The following TMED3 variants were observed in gnomAD, a reference collection of about 807,000 sequenced individuals.
TMED3 encodes transmembrane emp24 domain-containing protein 3.
Under a neutral mutation model 15.0 loss-of-function variants are expected in TMED3, and 9 were observed. That is an observed-to-expected ratio of 0.60 (90% CI 0.36 to 1.04). The LOEUF (loss-of-function observed/expected upper bound fraction) is 1.04. Ranked by LOEUF, TMED3 falls within the 50% of genes least tolerant of loss-of-function variation. TMED3 has a pLI of 0.01. For synonymous variants in TMED3, 117 were observed against 121.4 expected (o/e 0.96, Z 0.24); for missense variants, 267 against 278.9 (o/e 0.96, Z 0.30).
chr15:79,403,189 C>A (rs1012720523), intron 2 of TMED3, among the ~76,000 whole-genome samples: 2 of 138,668 alleles, frequency 1.4e-5, no homozygotes, highest in African/African-American at 5.5e-5. Flanking sequence ...CATCACTGCG[C>A]TCCAGCCTGG....
At chr15:79,350,868 T>A (rs1438758653) in intron 2 of TMED3, among the ~76,000 whole-genome samples, 1 of 152,198 alleles carries the variant, frequency 6.6e-6, no homozygotes, top group African/African-American at 2.4e-5. Flanking sequence ...GGTTTTGCTG[T>A]ACATCAGCTC....
In TMED3 at chr15:79,322,133, C is replaced by T. The variant is rs751862875; in HGVS notation, c.573C>T (p.Phe191=). The T allele has an allele frequency of 9.9e-6, 16 of 1,614,010 alleles. No homozygotes were observed. The highest frequency in any genetic ancestry group is 6.7e-5 in the African/African-American group (5 of 74,924). The stretch of plus-strand genomic sequence containing the variant: ...CTGTTGGCGAGACGATTGCCCTGTT[C>T]GTGGTCAGCTTCAGTCAGGTGCTAC... ...YWSVGETIAL[F]VVSFSQVLLL... Residue 191 remains phenylalanine, a synonymous_variant, in exon 3 of 3, where the codon TTC becomes TTT. Transcript: ENST00000299705.
chr15:79,319,390 A>G (rs888467317), intron 2 of TMED3, among the ~76,000 whole-genome samples: 33 of 152,346 alleles, frequency 2.2e-4, no homozygotes, highest in African/African-American at 7.9e-4. Context: ...AGAATGGCCC[A>G]GAATTAAGGA....
At chr15:79,404,764 G>A (rs528566455) in intron 2 of TMED3, among the ~76,000 whole-genome samples, 1 of 152,354 alleles carries the variant, frequency 6.6e-6, no homozygotes, top group East Asian at 1.9e-4. Context: ...CATTTAGGGT[G>A]ATGAGCTCTG....
chr15:79,411,779 C>T, exon 3 of TMED3: 1 of 385,074 alleles, frequency 2.6e-6, no homozygotes. Context: ...AGCACTTCAG[C>T]CTGGGTGGAG....
At chr15:79,400,359 T>C (rs889164762) in intron 2 of TMED3, among the ~76,000 whole-genome samples, 2 of 152,240 alleles carry the variant, frequency 1.3e-5, no homozygotes, top group African/African-American at 4.8e-5. Flanking sequence ...AATCTACTAA[T>C]GTATTTAATT....
chr15:79,341,239 AG>A (rs67896503), intron 2 of TMED3, among the ~76,000 whole-genome samples: 146,093 of 146,100 alleles, frequency 1, 73,043 homozygotes, highest in Middle Eastern at 1. Flanking sequence ...GAAAGCCAGC[AG>A]GGGAAGAAAG....
At chr15:79,409,664 G>A (rs1290743272) in intron 2 of TMED3, among the ~76,000 whole-genome samples, 3 of 152,160 alleles carry the variant, frequency 2.0e-5, no homozygotes, top group African/African-American at 7.2e-5. Flanking sequence ...AAAGCACTTT[G>A]TCTGAATGTT....
At chr15:79,326,541 C>T (rs2058788185), downstream of TMED3, among the ~76,000 whole-genome samples, 1 of 152,188 alleles carries the variant, frequency 6.6e-6, no homozygotes, top group East Asian at 1.9e-4. Flanking sequence ...GGGGCTTTAC[C>T]TTAACCCTGC....
intron 2 of TMED3, among the ~76,000 whole-genome samples, chr15:79,314,996 G>C (rs2058734694): frequency 6.6e-6 from 1 of 152,224 alleles, no homozygotes; most frequent in Admixed American, 6.5e-5. Flanking sequence ...TCAGGGCCCA[G>C]GGAAACCTGT....
intron 2 of TMED3, among the ~76,000 whole-genome samples, chr15:79,320,516 G>A (rs780986682): frequency 2.0e-5 from 3 of 152,122 alleles, no homozygotes; most frequent in Admixed American, 6.6e-5. Flanking sequence ...GTCACAGAGT[G>A]ACTTGGTCTT....
chr15:79,384,791 G>GT (rs1893602342), intron 2 of TMED3: 1 of 152,232 alleles, frequency 6.6e-6, no homozygotes, highest in Non-Finnish European at 1.5e-5. Flanking sequence ...GGTGGCCGAG[G>GT]TGGGAGAATC....
intron 2 of TMED3, chr15:79,384,668 A>T (rs1167589409): frequency 6.6e-6 from 1 of 152,250 alleles, no homozygotes; most frequent in Non-Finnish European, 1.5e-5. Flanking sequence ...AATAGCAGAT[A>T]ATTGGGTAGC....
chr15:79,372,055 AAAACAAAC>A (rs951403730), intron 2 of TMED3, among the ~76,000 whole-genome samples: 1 of 152,236 alleles, frequency 6.6e-6, no homozygotes, highest in Non-Finnish European at 1.5e-5. Context: ...AGAATAAGCA[AAAACAAAC>A]AAACAAACAA....
intron 2 of TMED3, among the ~76,000 whole-genome samples, chr15:79,348,579 A>G (rs1044512792): frequency 6.6e-6 from 1 of 152,226 alleles, no homozygotes; most frequent in Non-Finnish European, 1.5e-5. Flanking sequence ...GAAGAAATCA[A>G]TCTCCAAAAT....
intron 2 of TMED3, among the ~76,000 whole-genome samples, chr15:79,405,121 A>G (rs948057085): frequency 2.4e-4 from 37 of 152,216 alleles, no homozygotes; most frequent in African/African-American, 8.9e-4. Context: ...CATAATACTC[A>G]GCTCCAATCT....
chr15:79,391,096 G>A (rs1456807061), intron 2 of TMED3, among the ~76,000 whole-genome samples: 2 of 149,698 alleles, frequency 1.3e-5, no homozygotes, highest in Admixed American at 1.3e-4. Context: ...GTTCTGCTCT[G>A]ATCCTGGTTA....
chr15:79,396,057 T>C (rs1893758076), intron 2 of TMED3, among the ~76,000 whole-genome samples: 1 of 152,254 alleles, frequency 6.6e-6, no homozygotes, highest in Non-Finnish European at 1.5e-5. Context: ...CTCCATCTTC[T>C]GACTTCCATG....
chr15:79,394,148 G>T (rs907240090), intron 2 of TMED3, among the ~76,000 whole-genome samples: 3 of 152,136 alleles, frequency 2.0e-5, no homozygotes. Flanking sequence ...GGGAGTAGGG[G>T]GGTGGGTGGA....
Sources: gnomAD v4.1 joint callset for allele counts (sites outside exome capture counted in the v4.1 genomes callset) on GRCh38, gnomAD v4.1.1 for gene constraint, MANE v1.5 for transcripts, NCBI Gene and HGNC (gene_info 2026-07-23, HGNC 2026-07-21) for gene names.